The following MYT1L variants were observed in gnomAD, a reference collection of about 807,000 sequenced individuals.
MYT1L encodes the protein myelin transcription factor 1 like.
MYT1L carries 12 observed loss-of-function variants against 126.7 expected under a neutral mutation model. That is an observed-to-expected ratio of 0.09 (90% CI 0.06 to 0.15). The LOEUF is 0.15. Among genes scored for constraint, MYT1L ranks in the 10% least tolerant of loss-of-function variants. The pLI is 1.00. For synonymous variants in MYT1L, 541 were observed against 604.2 expected, an observed-to-expected ratio of 0.90 and a Z score of 1.53; for missense variants, 979 against 1,585.2, an observed-to-expected ratio of 0.62 and a Z score of 6.49.
At chr2:1,914,034 T>A (rs2149046210) in intron 11 of MYT1L, among the ~76,000 whole-genome samples, 1 of 152,100 alleles carries the variant, frequency 6.6e-6, no homozygotes, top group African/African-American at 2.4e-5. Flanking sequence ...GGCGGGCGGA[T>A]CACAAGGTCA....
At chr2:1,892,504 TC>T (rs879113866) in intron 14 of MYT1L, among the ~76,000 whole-genome samples, 1 of 147,054 alleles carries the variant, frequency 6.8e-6, no homozygotes, top group Admixed American at 6.7e-5. Context: ...TTTTCCTTTT[TC>T]CTTTTTTTTT....
chr2:2,045,671 T>C (rs1042020861), intron 4 of MYT1L, among the ~76,000 whole-genome samples: 4 of 152,142 alleles, frequency 2.6e-5, no homozygotes, highest in Non-Finnish European at 4.4e-5. Context: ...GTAGTTGTAC[T>C]GTGAATGCAT....
At chr2:2,030,085 T>C (rs2066064659) in intron 4 of MYT1L, among the ~76,000 whole-genome samples, 2 of 151,982 alleles carry the variant, frequency 1.3e-5, no homozygotes, top group South Asian at 4.2e-4. Context: ...AGGAATTGTT[T>C]TTGTTTGTTT....
At chr2:1,932,299 C>T (rs1031528991) in intron 9 of MYT1L, among the ~76,000 whole-genome samples, 1 of 152,186 alleles carries the variant, frequency 6.6e-6, no homozygotes, top group Non-Finnish European at 1.5e-5. Context: ...TGCCTAGATA[C>T]TTTCATCAAA....
chr2:2,201,706 A>AT (rs1357953739), intron 2 of MYT1L, among the ~76,000 whole-genome samples: 1 of 152,114 alleles, frequency 6.6e-6, no homozygotes. Context: ...TCAAAAAAAA[A>AT]AAAAAATCGT....
At chr2:2,210,086 C>T (rs2093450200) in intron 2 of MYT1L, among the ~76,000 whole-genome samples, 1 of 152,118 alleles carries the variant, frequency 6.6e-6, no homozygotes, top group African/African-American at 2.4e-5. Flanking sequence ...ATTTGTGTGT[C>T]TTCTTCTTTT....
intron 3 of MYT1L, among the ~76,000 whole-genome samples, chr2:2,151,618 G>A (rs187673695): frequency 5.3e-5 from 8 of 152,290 alleles, no homozygotes; most frequent in Admixed American, 2.6e-4. Context: ...GACCCCTAGT[G>A]GATGCATAAA....
intron 18 of MYT1L, among the ~76,000 whole-genome samples, chr2:1,880,846 T>C (rs1401687186): frequency 6.6e-6 from 1 of 152,234 alleles, no homozygotes; most frequent in Non-Finnish European, 1.5e-5. Flanking sequence ...TGCCTCCTTG[T>C]ATTACCCAAG....
rs1224773133 is a variant in MYT1L at position 1,943,022 on chromosome 2, TTCC to T, written c.462_464del (p.Glu167del). On this transcript the variant is annotated inframe_deletion, in exon 9 of 25. Coordinates refer to ENST00000647738, the MANE Select transcript of MYT1L (RefSeq NM_001303052.2). This position sits in a 1 kb window ranked among gnomAD's most constrained non-coding sequence, Gnocchi z 4.4. ...CTTCCTCCTCCTCCTCCTCCTCCTC[TTCC>T]TCTTCTTCATCCTCCACATCTTCTC... is the stretch of plus-strand genomic sequence containing the variant. 1 of 1,480,246 alleles carries T rather than the reference TTCC, an allele frequency of 6.8e-7. No individual in the cohort carries two copies. Among genetic ancestry groups the T allele is most frequent in the Non-Finnish European group, 9.2e-7 (1 of 1,082,890 alleles). The allele number at this position is 1,480,246 out of a possible 1,614,324, so 91.7% of individuals were successfully genotyped here.
intron 3 of MYT1L, among the ~76,000 whole-genome samples, chr2:2,114,429 G>C (rs1157884971): frequency 6.6e-6 from 1 of 152,158 alleles, no homozygotes; most frequent in East Asian, 1.9e-4. Context: ...TCTGGCTTTA[G>C]ATAAAAAGCA....
rs527257042 is a variant in MYT1L, at chr2:1,958,317, C to T, written c.153-14983G>A. On this transcript the variant is annotated intron_variant, in intron 8 of 24. Transcript: ENST00000647738. ...AGGAGGTGGCTACTGCAGATGGAAC[C>T]CAGAGAACCAGAGGAAGAGGAGGTG... is the stretch of plus-strand genomic sequence containing the variant. 3.2e-4 allele frequency among the ~76,000 whole-genome samples: 49 copies of T among 151,590 alleles called. 1 individual carries two copies. Among genetic ancestry groups the T allele is most frequent in the Admixed American group, 2.9e-3 (44 of 15,224 alleles).
At chr2:2,276,946 T>A (rs1005746536) in intron 2 of MYT1L, among the ~76,000 whole-genome samples, 4 of 151,544 alleles carry the variant, frequency 2.6e-5, no homozygotes, top group Admixed American at 2.6e-4. Context: ...TGTTTGCCTT[T>A]ACTTCACCTG....
At chr2:2,205,045 A>G (rs917578562) in intron 2 of MYT1L, among the ~76,000 whole-genome samples, 2 of 144,934 alleles carry the variant, frequency 1.4e-5, no homozygotes, top group African/African-American at 2.5e-5. Context: ...TCTCACTCAC[A>G]GGTGGGAATT....
At position 1,917,419 on chromosome 2, in the gene MYT1L, C is replaced by T. The variant is rs2052999053; in HGVS notation, c.1484-80G>A. On this transcript the variant is annotated intron_variant, in intron 10 of 24. Transcript: ENST00000647738. The surrounding 1 kb of genome is among the most constrained non-coding windows in gnomAD (Gnocchi z 5.9). ...GTGATTATTTCACAATCTGAAGAAA[C>T]CTTGCTAAAGAAAGAAATAAAGCAG... The T allele has an allele frequency of 2.7e-6, 4 of 1,491,602 alleles. No homozygotes were observed. The highest frequency in any genetic ancestry group is 3.6e-6 in the Non-Finnish European group (4 of 1,102,218). The allele number at this position is 1,491,602 out of a possible 1,614,324, so 92.4% of individuals were successfully genotyped here.
At chr2:2,227,237 C>A (rs1196001993) in intron 2 of MYT1L, among the ~76,000 whole-genome samples, 1 of 152,224 alleles carries the variant, frequency 6.6e-6, no homozygotes, top group South Asian at 2.1e-4. Flanking sequence ...ATCATCTGGT[C>A]CCATGGGATT....
intron 8 of MYT1L, among the ~76,000 whole-genome samples, chr2:1,968,395 T>G (rs761245190): frequency 3.9e-5 from 6 of 152,168 alleles, no homozygotes; most frequent in Non-Finnish European, 8.8e-5. Flanking sequence ...TGAATAAAAT[T>G]TCTTCCAAGA....
At chr2:2,146,408 T>C (rs780509059) in intron 3 of MYT1L, among the ~76,000 whole-genome samples, 9 of 152,208 alleles carry the variant, frequency 5.9e-5, no homozygotes, top group African/African-American at 9.6e-5. Flanking sequence ...CCTGGGACGA[T>C]AGAAGTGAGT....
At chr2:2,054,402 A>G (rs2069217854) in intron 3 of MYT1L, among the ~76,000 whole-genome samples, 1 of 151,884 alleles carries the variant, frequency 6.6e-6, no homozygotes, top group Non-Finnish European at 1.5e-5. Context: ...CAGAGACCAT[A>G]AGACACATGG....
chr2:2,110,263 A>C (rs1402253329), intron 3 of MYT1L, among the ~76,000 whole-genome samples: 1 of 152,062 alleles, frequency 6.6e-6, no homozygotes, highest in Non-Finnish European at 1.5e-5. Flanking sequence ...AGTACCTCCT[A>C]CTATAATATA....
Sources: allele counts gnomAD v4.1 joint callset (sites outside exome capture counted in the v4.1 genomes callset), GRCh38; gene constraint gnomAD v4.1.1; non-coding constraint Gnocchi (gnomAD v3.1); transcripts MANE v1.5; gene names NCBI Gene and HGNC (gene_info 2026-07-23, HGNC 2026-07-21).